The following SDHC variants were observed in gnomAD, a reference collection of about 807,000 sequenced individuals.
SDHC encodes the protein succinate dehydrogenase complex subunit C, also known as succinate dehydrogenase cytochrome b560 subunit, mitochondrial.
A neutral mutation model predicts 22.6 loss-of-function variants in SDHC; 11 were observed. The ratio of observed to expected loss-of-function variants is 0.49; its 90% CI spans 0.31 to 0.81. The LOEUF is 0.81. SDHC is among the 30% of genes least tolerant of loss of function. SDHC has a pLI of 0.05. For missense variants in SDHC, 160 were observed against 212.0 expected, an observed-to-expected ratio of 0.75 and a Z score of 1.52; for synonymous variants, 80 against 77.8, an observed-to-expected ratio of 1.03 and a Z score of -0.15.
At chr1:161,346,416 C>A (rs180808694) in intron 4 of SDHC, among the ~76,000 whole-genome samples, 1 of 144,884 alleles carries the variant, frequency 6.9e-6, no homozygotes, top group South Asian at 2.2e-4. Flanking sequence ...TTTTTTTTTT[C>A]GAGACAGAGT....
intron 4 of SDHC, among the ~76,000 whole-genome samples, chr1:161,347,683 T>C (rs534584537): frequency 5.9e-5 from 9 of 151,730 alleles, no homozygotes; most frequent in Non-Finnish European, 1.2e-4. Context: ...CTGGCCAACA[T>C]GGTGAAACCC....
At chr1:161,325,223 G>C (rs1189739546) in intron 2 of SDHC, among the ~76,000 whole-genome samples, 1 of 151,092 alleles carries the variant, frequency 6.6e-6, no homozygotes, top group African/African-American at 2.4e-5. Context: ...TTAAAAAAAA[G>C]AAGATTGGAT....
intron 5 of SDHC, 86 bp from the exon 6 acceptor site, chr1:161,362,243 C>T (rs776124318): frequency 1.1e-4 from 162 of 1,466,066 alleles, no homozygotes; most frequent in Non-Finnish European, 1.5e-4. Context: ...ATATCTATTC[C>T]TTTAGGTAGA....
chr1:161,328,455 T>G lies in SDHC; in HGVS notation c.137T>G (p.Ile46Arg). 1 of 1,613,810 alleles carries G rather than the reference T, an allele frequency of 6.2e-7. No homozygotes were observed. Among genetic ancestry groups the G allele is most frequent in the Non-Finnish European group, 8.5e-7 (1 of 1,179,718 alleles). Residue 46 changes from isoleucine to arginine, a missense_variant, in exon 3 of 6, where the codon ATA becomes AGA. By Grantham distance (97) the Ile-to-Arg change is moderately conservative. Coordinates refer to ENST00000367975, the MANE Select transcript of SDHC (RefSeq NM_003001.5). ...ATGGAGCGGTTCTGGAATAAGAATA[T>G]AGGTTCAAACCGTCCTCTGTCTCCC... is the stretch of plus-strand genomic sequence containing the variant. ...EEMERFWNKN[I>R]GSNRPLSPHI...
At chr1:161,345,519 C>T (rs769191718) in intron 4 of SDHC, among the ~76,000 whole-genome samples, 10 of 152,248 alleles carry the variant, frequency 6.6e-5, no homozygotes, top group Admixed American at 1.3e-4. Flanking sequence ...TGTAGTGGCG[C>T]GATCTCAGCT....
chr1:161,335,153 T>C (rs975983293), intron 3 of SDHC, among the ~76,000 whole-genome samples: 3 of 152,222 alleles, frequency 2.0e-5, no homozygotes, highest in Non-Finnish European at 4.4e-5. Flanking sequence ...TTTTATGATT[T>C]ATGCATTTTT....
At chr1:161,323,510 A>G in intron 1 of SDHC, 104 bp from the exon 2 acceptor site, 3 of 851,520 alleles carry the variant, frequency 3.5e-6, no homozygotes, top group East Asian at 2.6e-5. Flanking sequence ...CATTGTTTTT[A>G]TATCTTACTT....
At chr1:161,327,444 T>G (rs74127622) in intron 2 of SDHC, among the ~76,000 whole-genome samples, 17,841 of 152,264 alleles carry the variant, frequency 0.12, 1,420 homozygotes, top group African/African-American at 0.22. Context: ...TTTCTGTTGT[T>G]GGAGTTTGTC....
chr1:161,328,580 C>G (rs1184230951), intron 3 of SDHC, 83 bp downstream of exon 3: 3 of 993,506 alleles, frequency 3.0e-6, no homozygotes, highest in Non-Finnish European at 4.8e-6. Context: ...CTTGATACTT[C>G]CCTCACTTTT....
Position 161,320,828 on chromosome 1 carries a change from A to ATTTTTTTTT in SDHC, c.21-2777_21-2769dup, listed in dbSNP as rs71270444. ...AACTTATTCTAAGACTTCAGTCTTG[A>ATTTTTTTTT]TTTTTTTTTTTTTTTTTGAGATGGA... On this transcript the variant is annotated intron_variant, in intron 1 of 5. Transcript: ENST00000367975. Among the ~76,000 whole-genome samples the ATTTTTTTTT allele has an allele frequency of 1.2e-3, 148 of 127,644 alleles. 2 individuals carry two copies. The highest frequency in any genetic ancestry group is 1.7e-3 in the African/African-American group (56 of 32,034). The allele number at this position is 127,644 out of a possible 152,430, so 83.7% of individuals were successfully genotyped here. A position where few individuals can be genotyped will look rare whatever the true frequency, so the allele number is the denominator to read the frequency against.
intron 4 of SDHC, among the ~76,000 whole-genome samples, chr1:161,350,635 G>T (rs894070889): frequency 6.6e-6 from 1 of 152,048 alleles, no homozygotes; most frequent in Non-Finnish European, 1.5e-5. Flanking sequence ...ACATAAGACC[G>T]GAATGTGATT....
chr1:161,345,857 G>A (rs1671875990), intron 4 of SDHC, among the ~76,000 whole-genome samples: 1 of 147,006 alleles, frequency 6.8e-6, no homozygotes, highest in Non-Finnish European at 1.5e-5. Flanking sequence ...CCAGGCTGGA[G>A]TGCAGTGGCG....
chr1:161,339,008 C>G (rs985168800), intron 3 of SDHC, among the ~76,000 whole-genome samples: 3 of 152,260 alleles, frequency 2.0e-5, no homozygotes, highest in South Asian at 4.1e-4. Flanking sequence ...ACCACCACGC[C>G]TGGCTAAATT....
chr1:161,326,654 C>A (rs1341291571), intron 2 of SDHC: 3 of 133,234 alleles, frequency 2.3e-5, no homozygotes, highest in Non-Finnish European at 4.7e-5. Flanking sequence ...GAGACAGAGT[C>A]TCGTTCTGTC....
intron 3 of SDHC, among the ~76,000 whole-genome samples, chr1:161,332,011 G>A (rs1360628560): frequency 6.6e-6 from 1 of 152,060 alleles, no homozygotes; most frequent in African/African-American, 2.4e-5. Context: ...GTTTCACTGT[G>A]CCACCCAGGC....
intron 1 of SDHC, among the ~76,000 whole-genome samples, chr1:161,319,771 A>G (rs1670775215): frequency 6.6e-6 from 1 of 152,128 alleles, no homozygotes; most frequent in Admixed American, 6.5e-5. Context: ...TTGAAGGATG[A>G]GTTTAACAGG....
At position 161,321,725 on chromosome 1, in the gene SDHC, A is replaced by G. The variant is rs530523040; in HGVS notation, c.21-1889A>G. On this transcript the variant is annotated intron_variant, in intron 1 of 5. Coordinates refer to ENST00000367975, the MANE Select transcript of SDHC (RefSeq NM_003001.5). ...TAGTGGGCCCTTCTAGTGTACTAAT[A>G]TGAAGCTTTTGAAAAGTTTGTGCAT... 8.5e-5 allele frequency among the ~76,000 whole-genome samples: 13 copies of G among 152,302 alleles called. No homozygotes were observed. The South Asian group carries it at 2.3e-3, about 27-fold the overall frequency.
intron 3 of SDHC, among the ~76,000 whole-genome samples, chr1:161,338,685 A>G (rs1019529732): frequency 2.0e-5 from 3 of 152,324 alleles, no homozygotes; most frequent in South Asian, 4.1e-4. Context: ...TTAGGAAATA[A>G]GTGGTATGTT....
chr1:161,340,660 G>A lies in SDHC; in HGVS notation c.241+5G>A, dbSNP rs1167538377. On this transcript the variant is annotated splice_donor_5th_base_variant and intron_variant, in intron 4 of 5. Coordinates refer to ENST00000367975, the MANE Select transcript of SDHC (RefSeq NM_003001.5). ...CTGGTATTGCTTTGAGTGCAGGTAT[G>A]TATATGTGTTTTTACACACACATAT... 1.9e-6 allele frequency: 3 copies of A among 1,612,930 alleles called. No individual in the cohort carries two copies. Among genetic ancestry groups the A allele is most frequent in the Admixed American group, 1.7e-5 (1 of 60,014 alleles).
Sources: allele counts gnomAD v4.1 joint callset (sites outside exome capture counted in the v4.1 genomes callset), GRCh38; gene constraint gnomAD v4.1.1; transcripts MANE v1.5; gene names NCBI Gene and HGNC (gene_info 2026-07-23, HGNC 2026-07-21).